WDR89: variants seen among roughly 807,000 people sequenced by gnomAD.
WDR89 encodes WD repeat domain 89.
In WDR89, 17 loss-of-function variants were observed where a neutral mutation model predicts 29.1. The ratio of observed to expected loss-of-function variants is 0.58; its 90% confidence interval spans 0.40 to 0.88. The LOEUF (loss-of-function observed/expected upper bound fraction) is 0.88. Among genes scored for constraint, WDR89 ranks in the 40% least tolerant of loss-of-function variants. The pLI is 0.00. For missense variants in WDR89, 396 were observed against 456.3 expected (o/e 0.87, Z 1.20); for synonymous variants, 138 against 157.8 (o/e 0.87, Z 0.94).
chr14:63,612,565 G>A (rs1001990229), intron 2 of WDR89, among the ~76,000 whole-genome samples: 3 of 151,966 alleles, frequency 2.0e-5, no homozygotes, highest in Non-Finnish European at 4.4e-5. Flanking sequence ...TGTAGAGACC[G>A]GGTTTCGCCA....
intron 1 of WDR89, among the ~76,000 whole-genome samples, chr14:63,634,608 G>A (rs1366499803): frequency 1.3e-5 from 2 of 152,016 alleles, no homozygotes; most frequent in Admixed American, 6.6e-5. Flanking sequence ...AGTGGCTCAC[G>A]CCTGTAATCC....
intron 2 of WDR89, among the ~76,000 whole-genome samples, chr14:63,615,319 C>T (rs1476264564): frequency 6.6e-6 from 1 of 152,166 alleles, no homozygotes; most frequent in Non-Finnish European, 1.5e-5. Flanking sequence ...CCAAATTTCC[C>T]TAAGTCACCA....
At chr14:63,625,991 T>C (rs920536718) in intron 1 of WDR89, among the ~76,000 whole-genome samples, 10 of 151,924 alleles carry the variant, frequency 6.6e-5, no homozygotes, top group South Asian at 2.1e-4. Flanking sequence ...GTAGCTGGGA[T>C]TACAGGCATG....
intron 1 of WDR89, among the ~76,000 whole-genome samples, chr14:63,640,404 T>C (rs1168639892): frequency 6.6e-6 from 1 of 152,244 alleles, no homozygotes; most frequent in East Asian, 1.9e-4. Context: ...GGTCAGTAAC[T>C]GGTGCCTACT....
At chr14:63,610,702 CTTTTTTTTT>C (rs1009799974) in intron 2 of WDR89, among the ~76,000 whole-genome samples, 2 of 129,148 alleles carry the variant, frequency 1.5e-5, no homozygotes, top group Non-Finnish European at 1.7e-5. Flanking sequence ...CTTTTCTTTT[CTTTTTTTTT>C]TTTTTTTTTG....
At chr14:63,637,258 AAC>A (rs1883794706) in intron 1 of WDR89, among the ~76,000 whole-genome samples, 1 of 152,224 alleles carries the variant, frequency 6.6e-6, no homozygotes, top group Non-Finnish European at 1.5e-5. Flanking sequence ...AGAATAAAAA[AAC>A]AAGAGATGCT....
chr14:63,598,851 T>G lies in WDR89; in HGVS notation c.1092A>C (p.Lys364Asn). The change falls in exon 3 of 3, where the codon AAA (lysine) becomes AAC (asparagine). Residue 364 changes from lysine (K) to asparagine (N), a missense_variant. Physicochemically the swap from Lys to Asn is moderately conservative, Grantham distance 94 (BLOSUM62 0). Coordinates refer to ENST00000620954, the MANE Select transcript of WDR89 (RefSeq NM_080666.4). ...EKTFTKKESM[K>N]IASSVHQRVR... ...CTCGTTGGTGCACAGAGGATGCTAT[T>G]TTCATACTCTCTTTCTTTGTAAAGG... 1 of 1,614,108 alleles carries G rather than the reference T, an allele frequency of 6.2e-7. No homozygotes were observed. Among genetic ancestry groups the G allele is most frequent in the South Asian group, 1.1e-5 (1 of 91,068 alleles).
intron 1 of WDR89, among the ~76,000 whole-genome samples, chr14:63,636,635 C>G (rs944212191): frequency 6.6e-6 from 1 of 152,028 alleles, no homozygotes; most frequent in Non-Finnish European, 1.5e-5. Flanking sequence ...AACTGATCTT[C>G]GACAAAGCAA....
intron 2 of WDR89, among the ~76,000 whole-genome samples, chr14:63,603,398 G>A (rs968095985): frequency 6.6e-6 from 1 of 152,102 alleles, no homozygotes; most frequent in Non-Finnish European, 1.5e-5. Flanking sequence ...TGTTTTTCAT[G>A]TCATGGAATT....
At chr14:63,626,800 T>C (rs1254062295) in intron 1 of WDR89, among the ~76,000 whole-genome samples, 1 of 148,688 alleles carries the variant, frequency 6.7e-6, no homozygotes, top group Admixed American at 6.8e-5. Flanking sequence ...TCAAGGCTGA[T>C]GGGGTGTCAG....
In WDR89 at chr14:63,599,201, G is replaced by A. The variant is rs1156424807; in HGVS notation, c.742C>T (p.His248Tyr). The change falls in exon 3 of 3, where the codon CAT becomes TAT. Residue 248 changes from histidine (H) to tyrosine (Y), a missense_variant. His to Tyr is a moderately conservative substitution (Grantham distance 83). Transcript: ENST00000620954. ...DEGFYWWDLN[H>Y]LDTDEPVTRL... ...GTAACTGGTTCATCAGTGTCCAGAT[G>A]ATTAAGATCCCACCAATAAAATCCT... 1.2e-6 allele frequency: 2 copies of A among 1,606,780 alleles called. No individual in the cohort carries two copies. Among genetic ancestry groups the A allele is most frequent in the Non-Finnish European group, 1.7e-6 (2 of 1,175,240 alleles).
chr14:63,636,451 T>C (rs1235437102), intron 1 of WDR89, among the ~76,000 whole-genome samples: 2 of 152,174 alleles, frequency 1.3e-5, no homozygotes, highest in African/African-American at 2.4e-5. Context: ...GGAGCCCGCA[T>C]AGCCAAAGCA....
chr14:63,632,787 A>C lies in WDR89; in HGVS notation c.-137-7754T>G, dbSNP rs113145320. ...AAAAGAATGGGAAGAAAACCAGAAA[A>C]GTAGCCAAATGACAGCTAATATTAA... On this transcript the variant is annotated intron_variant, in intron 1 of 2. Transcript: ENST00000620954. Among the ~76,000 whole-genome samples the C allele has an allele frequency of 7.6e-4, 116 of 152,348 alleles. 1 individual carries two copies. The highest frequency in any genetic ancestry group is 2.7e-3 in the African/African-American group (112 of 41,574).
chr14:63,599,597 T>A lies in WDR89; in HGVS notation c.346A>T (p.Asn116Tyr), dbSNP rs762450286. The part of the protein sequence containing the change: ...PVQLFKGYPS[N>Y]IFISFDINCN... ...TTAATATCAAAACTGATAAAAATAT[T>A]GGAAGGGTAACCCTTGAAGAGCTGA... is the stretch of plus-strand genomic sequence containing the variant. Residue 116 changes from asparagine (N) to tyrosine (Y), a missense_variant, in exon 3 of 3, where the codon AAT becomes TAT. Coordinates refer to ENST00000620954, the MANE Select transcript of WDR89 (RefSeq NM_080666.4). 9.9e-6 allele frequency: 16 copies of A among 1,614,114 alleles called. No individual in the cohort carries two copies. The highest frequency in any genetic ancestry group is 1.4e-5 in the Non-Finnish European group (16 of 1,179,992).
intron 2 of WDR89, among the ~76,000 whole-genome samples, chr14:63,619,309 G>A (rs1332319514): frequency 1.3e-5 from 2 of 152,154 alleles, no homozygotes; most frequent in African/African-American, 4.8e-5. Flanking sequence ...CCCAAACCAG[G>A]CTAGACTGTT....
chr14:63,610,175 G>A (rs563165022), intron 2 of WDR89, among the ~76,000 whole-genome samples: 19 of 134,738 alleles, frequency 1.4e-4, no homozygotes, highest in African/African-American at 5.0e-4. Context: ...AGCCAAAGTC[G>A]CACCACTGCA....
chr14:63,617,653 T>G (rs933766097), intron 2 of WDR89, among the ~76,000 whole-genome samples: 1 of 152,022 alleles, frequency 6.6e-6, no homozygotes, highest in Non-Finnish European at 1.5e-5. Flanking sequence ...CCCAGCTAAT[T>G]TTTGTAGTTT....
intron 1 of WDR89, among the ~76,000 whole-genome samples, chr14:63,628,128 T>G (rs1476215825): frequency 6.6e-6 from 1 of 152,096 alleles, no homozygotes; most frequent in Non-Finnish European, 1.5e-5. Flanking sequence ...TCTCAGCTAC[T>G]TGGGGGAGCT....
chr14:63,620,485 G>A (rs1299412067), intron 2 of WDR89, among the ~76,000 whole-genome samples: 3 of 152,272 alleles, frequency 2.0e-5, no homozygotes, highest in Middle Eastern at 3.4e-3. Flanking sequence ...TCAGGGAGAT[G>A]TCGATCAAAG....
Sources: allele counts gnomAD v4.1 joint callset (sites outside exome capture counted in the v4.1 genomes callset), GRCh38; gene constraint gnomAD v4.1.1; transcripts MANE v1.5; gene names NCBI Gene and HGNC (gene_info 2026-07-23, HGNC 2026-07-21).